Variants in VWC2L observed in about 807,000 individuals in gnomAD.
VWC2L encodes von Willebrand factor C domain-containing protein 2-like.
VWC2L carries 10 observed loss-of-function variants against 21.6 expected under a neutral mutation model. The observed-to-expected ratio is 0.46, with a 90% CI of 0.29 to 0.78. The LOEUF is 0.78. Among genes scored for constraint, VWC2L ranks in the 30% least tolerant of loss-of-function variants. The pLI is 0.10. For missense variants in VWC2L, 209 were observed against 277.1 expected (o/e 0.75, Z 1.74); for synonymous variants, 96 against 94.3 (o/e 1.02, Z -0.10).
intron 3 of VWC2L, among the ~76,000 whole-genome samples, chr2:214,572,634 TAA>T (rs1690166438): frequency 6.6e-6 from 1 of 152,190 alleles, no homozygotes; most frequent in Non-Finnish European, 1.5e-5. Context: ...TCACCACTAT[TAA>T]GGAAGAAGGG....
At chr2:214,465,116 C>G (rs770027713) in intron 3 of VWC2L, among the ~76,000 whole-genome samples, 1 of 152,126 alleles carries the variant, frequency 6.6e-6, no homozygotes, top group Non-Finnish European at 1.5e-5. Context: ...CAGGAACTTA[C>G]CTGGGGTCCC....
At chr2:214,547,717 A>T (rs1469063956) in intron 3 of VWC2L, among the ~76,000 whole-genome samples, 1 of 152,204 alleles carries the variant, frequency 6.6e-6, no homozygotes, top group African/African-American at 2.4e-5. Flanking sequence ...AATGTAATAG[A>T]CACATGAAGT....
chr2:214,452,316 G>A (rs1415451983), intron 3 of VWC2L, among the ~76,000 whole-genome samples: 2 of 152,018 alleles, frequency 1.3e-5, no homozygotes. Context: ...CACCACGCTT[G>A]GCTAATTTTT....
chr2:214,462,054 C>T (rs189764057), intron 3 of VWC2L, among the ~76,000 whole-genome samples: 20 of 152,046 alleles, frequency 1.3e-4, no homozygotes, highest in African/African-American at 4.3e-4. Context: ...GAAAATGTCA[C>T]CCATGCTCCA....
intron 2 of VWC2L, among the ~76,000 whole-genome samples, chr2:214,429,981 G>T (rs942187776): frequency 6.6e-6 from 1 of 151,836 alleles, no homozygotes; most frequent in Admixed American, 6.6e-5. Context: ...CTGCCACCAC[G>T]CCTGGCTAAT....
At chr2:214,419,242 TTTC>T (rs2126170891) in intron 2 of VWC2L, among the ~76,000 whole-genome samples, 1 of 152,318 alleles carries the variant, frequency 6.6e-6, no homozygotes, top group South Asian at 2.1e-4. Context: ...TTCTCTCATC[TTTC>T]TTTTATGTGC....
At chr2:214,476,609 G>A (rs940269651) in intron 3 of VWC2L, among the ~76,000 whole-genome samples, 1 of 152,158 alleles carries the variant, frequency 6.6e-6, no homozygotes, top group African/African-American at 2.4e-5. Flanking sequence ...ATGACAGCAG[G>A]TGCTGAATAT....
chr2:214,464,991 G>A (rs943773861), intron 3 of VWC2L, among the ~76,000 whole-genome samples: 7 of 151,910 alleles, frequency 4.6e-5, no homozygotes, highest in African/African-American at 7.3e-5. Flanking sequence ...TTTAGTCAGC[G>A]TGTGGTGGAT....
intron 3 of VWC2L, among the ~76,000 whole-genome samples, chr2:214,494,858 T>C (rs975317847): frequency 6.6e-6 from 1 of 152,024 alleles, no homozygotes; most frequent in African/African-American, 2.4e-5. Flanking sequence ...ACTTCACTTA[T>C]GGTAGAAAAC....
At chr2:214,517,328 C>T (rs1490690765) in intron 3 of VWC2L, among the ~76,000 whole-genome samples, 4 of 152,162 alleles carry the variant, frequency 2.6e-5, no homozygotes, top group African/African-American at 9.7e-5. Flanking sequence ...CAGGCGGCTA[C>T]AGGGTCACTG....
intron 3 of VWC2L, among the ~76,000 whole-genome samples, chr2:214,530,611 G>A (rs1185102205): frequency 6.6e-6 from 1 of 152,110 alleles, no homozygotes; most frequent in African/African-American, 2.4e-5. Context: ...GAAGAGGAAG[G>A]AGATGGATCT....
rs773421909 is a variant in VWC2L at position 214,578,206 on chromosome 2, C to A, written c.*2386C>A. On this transcript the variant is annotated 3_prime_UTR_variant, in exon 4 of 4. Transcript: ENST00000312504. ...ATTAATAGAGCCATGCAGCATAGTA[C>A]CTTATCTATTATTAAGGAGTTACTA... 6.6e-6 allele frequency: 1 copy of A among 152,060 alleles called. No individual in the cohort carries two copies. Among genetic ancestry groups the A allele is most frequent in the Non-Finnish European group, 1.5e-5 (1 of 68,014 alleles). The allele number at this position is 152,060 out of a possible 1,614,324, so 9.4% of individuals were successfully genotyped here. A position where few individuals can be genotyped will look rare whatever the true frequency, so the allele number is the denominator to read the frequency against.
rs573360758 is a variant in VWC2L, at chr2:214,445,821, AC to A, written c.520+9064del. Among the ~76,000 whole-genome samples, 530 of 152,212 alleles carry A rather than the reference AC, an allele frequency of 3.5e-3. 3 individuals carry two copies. Among genetic ancestry groups the A allele is most frequent in the African/African-American group, 0.012 (497 of 41,574 alleles). On this transcript the variant is annotated intron_variant, in intron 3 of 3. Coordinates refer to ENST00000312504, the MANE Select transcript of VWC2L (RefSeq NM_001080500.4). ...ATAATTTTTTCTTTTACTAAAAAAA[AC>A]AATAGCATGTTCCTTATGAGAAATT...
chr2:214,570,424 C>T (rs1337397818), intron 3 of VWC2L, among the ~76,000 whole-genome samples: 1 of 152,170 alleles, frequency 6.6e-6, no homozygotes, highest in East Asian at 1.9e-4. Flanking sequence ...AATGCCATGG[C>T]GTGATCTTAA....
intron 3 of VWC2L, among the ~76,000 whole-genome samples, chr2:214,519,528 G>C (rs539117228): frequency 2.0e-5 from 3 of 152,266 alleles, no homozygotes; most frequent in African/African-American, 7.2e-5. Flanking sequence ...AAAACCAAGA[G>C]CCTAATTAGG....
intron 3 of VWC2L, among the ~76,000 whole-genome samples, chr2:214,454,412 T>A (rs1182584688): frequency 1.3e-5 from 2 of 151,970 alleles, no homozygotes; most frequent in African/African-American, 4.8e-5. Context: ...AGGTTTTTCA[T>A]AGATGCTTGT....
At chr2:214,428,770 G>GA (rs1702559803) in intron 2 of VWC2L, among the ~76,000 whole-genome samples, 1 of 57,438 alleles carries the variant, frequency 1.7e-5, no homozygotes. Context: ...ATAAAATGAA[G>GA]AAAAAATTTC....
At chr2:214,425,740 C>CCCTTTCA (rs1702511358) in intron 2 of VWC2L, among the ~76,000 whole-genome samples, 1 of 152,090 alleles carries the variant, frequency 6.6e-6, no homozygotes, top group Non-Finnish European at 1.5e-5. Flanking sequence ...TATAGAGAAG[C>CCCTTTCA]GGTAGATCTT....
chr2:214,438,260 A>G (rs568912626), intron 3 of VWC2L, among the ~76,000 whole-genome samples: 6 of 152,074 alleles, frequency 3.9e-5, no homozygotes, highest in Non-Finnish European at 8.8e-5. Flanking sequence ...CATAAAATAT[A>G]TGAATGGTGA....
Sources: allele counts gnomAD v4.1 joint callset (sites outside exome capture counted in the v4.1 genomes callset), GRCh38; gene constraint gnomAD v4.1.1; transcripts MANE v1.5; gene names NCBI Gene and HGNC (gene_info 2026-07-23, HGNC 2026-07-21).